Variants in WDR64 observed in about 807,000 individuals in gnomAD.
WDR64 encodes the protein WD repeat domain 64, also known as WD repeat-containing protein 64.
WDR64 carries 112 observed loss-of-function variants against 139.3 expected under a neutral mutation model. The observed-to-expected ratio is 0.80, with a 90% CI of 0.69 to 0.94. The LOEUF is 0.94. WDR64 is among the 40% of genes least tolerant of loss of function. The pLI, the probability that WDR64 is intolerant of heterozygous loss-of-function variation, is 0.00. For synonymous variants in WDR64, 444 were observed against 437.7 expected (o/e 1.01, Z -0.18); for missense variants, 1,206 against 1,293.1 (o/e 0.93, Z 1.03).
intron 8 of WDR64, among the ~76,000 whole-genome samples, chr1:241,693,957 A>C (rs1667395082): frequency 6.6e-6 from 1 of 152,166 alleles, no homozygotes; most frequent in African/African-American, 2.4e-5. Flanking sequence ...AAGGAGATTG[A>C]TTGTTAGCTA....
intron 9 of WDR64, among the ~76,000 whole-genome samples, chr1:241,713,944 T>C (rs558391899): frequency 3.9e-5 from 6 of 152,292 alleles, no homozygotes; most frequent in African/African-American, 1.4e-4. Context: ...GTGTTGATAG[T>C]TGTACAGAAA....
chr1:241,660,421 T>C (rs1573984267), intron 1 of WDR64, 109 bp from the exon 2 acceptor site: 1 of 1,362,326 alleles, frequency 7.3e-7, no homozygotes, highest in South Asian at 1.4e-5. Context: ...ATCTGGTTTT[T>C]ATAGATTGAG....
intron 19 of WDR64, 123 bp downstream of exon 19, chr1:241,771,820 T>A (rs1558518378): frequency 2.7e-6 from 1 of 369,348 alleles, no homozygotes. Flanking sequence ...TTATATATAT[T>A]CATATACATT....
Position 241,749,686 on chromosome 1 carries a change from G to T in WDR64, c.1734G>T (p.Leu578=). The change falls in exon 14 of 28, where the codon CTG becomes CTT. Residue 578 remains leucine (L), a synonymous_variant. Coordinates refer to ENST00000437684, the MANE Select transcript of WDR64 (RefSeq NM_001367482.1). ...AAGAAAAACACCAGCAGCTGGTCCT[G>T]GCCTTGGAGCGCAACGGGACTATCA... The part of the protein sequence containing the change: ...KAQEKHQQLV[L]ALERNGTIKM... 1 of 1,614,092 alleles carries T rather than the reference G, an allele frequency of 6.2e-7. No homozygotes were observed. The highest frequency in any genetic ancestry group is 8.5e-7 in the Non-Finnish European group (1 of 1,179,982).
intron 27 of WDR64, among the ~76,000 whole-genome samples, chr1:241,800,808 AT>A (rs1463949885): frequency 1.8e-4 from 27 of 150,916 alleles, no homozygotes; most frequent in Admixed American, 4.6e-4. Context: ...CATATACAAT[AT>A]TAATTATTAA....
chr1:241,662,403 C>G (rs543220625), intron 2 of WDR64, among the ~76,000 whole-genome samples: 52 of 152,278 alleles, frequency 3.4e-4, no homozygotes, highest in African/African-American at 1.2e-3. Flanking sequence ...TTGTAAGTCT[C>G]AAGGCCTCAG....
At position 241,738,487 on chromosome 1, in the gene WDR64, C is replaced by T. The variant is rs144238421; in HGVS notation, c.1319C>T (p.Thr440Met). 33 of 1,605,902 alleles carry T rather than the reference C, an allele frequency of 2.1e-5. No homozygotes were observed. Among genetic ancestry groups the T allele is most frequent in the South Asian group, 1.1e-4 (10 of 88,970 alleles). ...IYDANHGMLITGSSVMDMYPL... is the reference protein window; with the variant it reads ...IYDANHGMLIMGSSVMDMYPL... ...GATGCCAATCATGGCATGCTTATTA[C>T]GGGTAAGTGTACCCAATTAATGTCA... Residue 440 changes from threonine (T) to methionine (M), a missense_variant and splice_region_variant, in exon 11 of 28, where the codon ACG becomes ATG. Thr to Met is a moderately conservative substitution (Grantham distance 81). Coordinates refer to ENST00000437684, the MANE Select transcript of WDR64 (RefSeq NM_001367482.1).
At chr1:241,692,028 T>TA (rs77284427) in intron 8 of WDR64, among the ~76,000 whole-genome samples, 3,299 of 113,756 alleles carry the variant, frequency 0.029, 70 homozygotes, top group African/African-American at 0.079. Flanking sequence ...AATAAAAAAA[T>TA]AAAAAAAAAA....
At chr1:241,684,752 C>T (rs988318531) in intron 7 of WDR64, among the ~76,000 whole-genome samples, 1 of 152,090 alleles carries the variant, frequency 6.6e-6, no homozygotes, top group Admixed American at 6.6e-5. Context: ...ACAGCTTCGC[C>T]TTGCCTTGCC....
Position 241,703,512 on chromosome 1 carries a change from A to G in WDR64, c.975-8290A>G, listed in dbSNP as rs1203275720. On this transcript the variant is annotated intron_variant, in intron 8 of 27. Transcript: ENST00000437684. The surrounding 1 kb of genome is among the most constrained non-coding windows in gnomAD (Gnocchi z 5.9). The stretch of plus-strand genomic sequence containing the variant: ...AACTGTCAGAAAATGTTTCTCTTTA[A>G]AATTGCTATCATTTCAGGGGGATCA... Among the ~76,000 whole-genome samples, 2 of 151,706 alleles carry G rather than the reference A, an allele frequency of 1.3e-5. No individual in the cohort carries two copies. Among genetic ancestry groups the G allele is most frequent in the African/African-American group, 4.8e-5 (2 of 41,288 alleles).
At chr1:241,735,823 ATCTCTCTCTCTC>A (rs762750963) in intron 10 of WDR64, among the ~76,000 whole-genome samples, 16 of 82,916 alleles carry the variant, frequency 1.9e-4, no homozygotes, top group South Asian at 4.4e-4. Flanking sequence ...TTCTCTTTCT[ATCTCTCTCTCTC>A]TCTCTCTCTC....
rs531388494 is a variant in WDR64, at chr1:241,762,221, G to A, written c.1948-3997G>A. 3.5e-4 allele frequency among the ~76,000 whole-genome samples: 53 copies of A among 152,228 alleles called. No individual in the cohort carries two copies. The South Asian group carries it at 0.011, about 30-fold the overall frequency. On this transcript the variant is annotated intron_variant, in intron 15 of 27. Transcript: ENST00000437684. ...CTGCAGAAGGAATACTGTATTCACC[G>A]GCATGAAAACAACATTCACGTTGTA...
intron 15 of WDR64, among the ~76,000 whole-genome samples, chr1:241,764,857 AATG>A (rs1328636121): frequency 6.6e-6 from 1 of 152,202 alleles, no homozygotes; most frequent in Non-Finnish European, 1.5e-5. Context: ...TTCTAACTTG[AATG>A]ATGAACTGAA....
chr1:241,672,876 G>T (rs553077384), intron 3 of WDR64, among the ~76,000 whole-genome samples: 1 of 152,282 alleles, frequency 6.6e-6, no homozygotes, highest in Non-Finnish European at 1.5e-5. Context: ...TGGGAGTGGG[G>T]ACAGGTGTAC....
At chr1:241,774,165 G>C (rs1361650017) in intron 20 of WDR64, among the ~76,000 whole-genome samples, 3 of 152,144 alleles carry the variant, frequency 2.0e-5, no homozygotes, top group Non-Finnish European at 4.4e-5. Flanking sequence ...TTGTGATAAG[G>C]CTCCTTCCTA....
At chr1:241,707,835 C>T (rs1668010614) in intron 8 of WDR64, among the ~76,000 whole-genome samples, 2 of 152,220 alleles carry the variant, frequency 1.3e-5, no homozygotes, top group South Asian at 2.1e-4. Flanking sequence ...CCCTTGATTT[C>T]ATAAGTGGAG....
chr1:241,732,694 C>T (rs1252884747), intron 10 of WDR64, among the ~76,000 whole-genome samples: 2 of 151,986 alleles, frequency 1.3e-5, no homozygotes, highest in African/African-American at 2.4e-5. Context: ...GTGGCGGGCT[C>T]CTGTAATCCC....
chr1:241,773,347 C>T (rs1658530909), intron 20 of WDR64, among the ~76,000 whole-genome samples: 1 of 152,214 alleles, frequency 6.6e-6, no homozygotes, highest in African/African-American at 2.4e-5. Flanking sequence ...CACACTGCTT[C>T]AGTCTCATCC....
chr1:241,797,085 C>T (rs1032720957), intron 27 of WDR64, among the ~76,000 whole-genome samples: 4 of 152,120 alleles, frequency 2.6e-5, no homozygotes, highest in African/African-American at 9.7e-5. Context: ...AATTTTTCTA[C>T]AGTATTAATA....
Sources: allele counts gnomAD v4.1 joint callset (sites outside exome capture counted in the v4.1 genomes callset), GRCh38; gene constraint gnomAD v4.1.1; non-coding constraint Gnocchi (gnomAD v3.1); transcripts MANE v1.5; gene names NCBI Gene and HGNC (gene_info 2026-07-23, HGNC 2026-07-21).